MYO16: variants seen among roughly 807,000 people sequenced by gnomAD.
MYO16 encodes myosin XVI.
In MYO16, 94 loss-of-function variants were observed where a neutral mutation model predicts 205.3. That is an observed-to-expected ratio of 0.46 (90% CI 0.39 to 0.54). The LOEUF (loss-of-function observed/expected upper bound fraction) is 0.54. Among genes scored for constraint, MYO16 ranks in the 20% least tolerant of loss-of-function variants. MYO16 has a pLI of 0.00. For missense variants in MYO16, 2,315 were observed against 2,387.5 expected (o/e 0.97, Z 0.63); for synonymous variants, 988 against 954.0 (o/e 1.04, Z -0.66).
At chr13:108,677,354 T>C (rs948078235) in intron 2 of MYO16, among the ~76,000 whole-genome samples, 2 of 88,670 alleles carry the variant, frequency 2.3e-5, no homozygotes, top group African/African-American at 8.7e-5. Flanking sequence ...TATATATATA[T>C]GCATATATAT....
At chr13:108,952,010 C>T (rs113473757) in intron 16 of MYO16, among the ~76,000 whole-genome samples, 2 of 152,116 alleles carry the variant, frequency 1.3e-5, no homozygotes, top group African/African-American at 2.4e-5. Flanking sequence ...ACTCAGGAGA[C>T]TGAGACAGGA....
At position 108,964,743 on chromosome 13, in the gene MYO16, T is replaced by A. The variant is rs754984043; in HGVS notation, c.2228-18T>A. 2 of 1,612,982 alleles carry A rather than the reference T, an allele frequency of 1.2e-6. No homozygotes were observed. Among genetic ancestry groups the A allele is most frequent in the Non-Finnish European group, 1.7e-6 (2 of 1,179,454 alleles). ...GGAACCCTTGTGCTCACTCCTCCTT[T>A]TCTTTCTACCATTTTAGGGGATATG... On this transcript the variant is annotated intron_variant, in intron 19 of 34. Coordinates refer to ENST00000457511, the MANE Select transcript of MYO16 (RefSeq NM_001198950.3).
chr13:108,740,553 G>A (rs1056902829), intron 4 of MYO16, among the ~76,000 whole-genome samples: 12 of 152,156 alleles, frequency 7.9e-5, no homozygotes, highest in African/African-American at 1.2e-4. Flanking sequence ...CTACTGAGGG[G>A]TTCCTCCCAG....
chr13:109,010,738 T>C (rs1885563834), intron 22 of MYO16, among the ~76,000 whole-genome samples: 1 of 152,010 alleles, frequency 6.6e-6, no homozygotes, highest in African/African-American at 2.4e-5. Flanking sequence ...TTTACAGAAG[T>C]GTGGTGACCT....
At chr13:108,501,160 G>C in the MYO16 span, among the ~76,000 whole-genome samples, 19 of 152,066 alleles carry the variant, frequency 1.2e-4, no homozygotes, top group Non-Finnish European at 2.4e-4. Flanking sequence ...CGCGCTTATT[G>C]AAACGCCGGA....
At chr13:108,952,119 A>C (rs1480167518) in intron 16 of MYO16, among the ~76,000 whole-genome samples, 2 of 72,084 alleles carry the variant, frequency 2.8e-5, no homozygotes, top group South Asian at 5.6e-4. Context: ...CTCAATAAAT[A>C]AATAAATAAA....
chr13:109,127,284 C>T lies in MYO16; in HGVS notation c.3785C>T (p.Thr1262Ile), dbSNP rs1388868849. 6.3e-7 allele frequency: 1 copy of T among 1,576,922 alleles called. No individual in the cohort carries two copies. Among genetic ancestry groups the T allele is most frequent in the South Asian group, 1.2e-5 (1 of 86,790 alleles). The part of the protein sequence containing the change: ...RNMQEEGSKR[T>I]DDKSGPRHFH... ...TTTGTGTTTTGTTTCCCCCTAAGAA[C>T]CGATGACAAGAGTGGACCCAGGCAT... The change falls in exon 31 of 35, where the codon ACC (threonine) becomes ATC (isoleucine). Residue 1262 changes from threonine (T) to isoleucine (I), a missense_variant and splice_region_variant. This residue lies in a region of MYO16 where 1,097 missense variants were observed against 1,092.0 expected (regional missense o/e 1.00). Transcript: ENST00000457511. The surrounding 1 kb of genome is among the most constrained non-coding windows in gnomAD (Gnocchi z 4.2).
At chr13:108,747,751 A>G (rs1464562818) in intron 4 of MYO16, among the ~76,000 whole-genome samples, 1 of 152,166 alleles carries the variant, frequency 6.6e-6, no homozygotes, top group East Asian at 1.9e-4. Context: ...GTACTGATAC[A>G]TATATATGAT....
At chr13:108,571,007 A>G in the MYO16 span, among the ~76,000 whole-genome samples, 3 of 152,340 alleles carry the variant, frequency 2.0e-5, no homozygotes, top group East Asian at 3.9e-4. Context: ...CTCACAGGTT[A>G]TTATAATTTT....
the MYO16 span, among the ~76,000 whole-genome samples, chr13:108,577,198 A>G: frequency 5.3e-5 from 8 of 152,190 alleles, no homozygotes; most frequent in African/African-American, 1.9e-4. Flanking sequence ...AGAGCTATAC[A>G]AAAATGAATG....
intron 6 of MYO16, among the ~76,000 whole-genome samples, 191 bp downstream of exon 6, chr13:108,793,831 G>T (rs143703185): frequency 6.6e-6 from 1 of 152,124 alleles, no homozygotes; most frequent in Admixed American, 6.5e-5. Flanking sequence ...CCCATTATTG[G>T]GTGTCTACCC....
chr13:108,929,776 A>T (rs992279073), intron 16 of MYO16, among the ~76,000 whole-genome samples: 1 of 152,170 alleles, frequency 6.6e-6, no homozygotes, highest in African/African-American at 2.4e-5. Flanking sequence ...ATCCTGGCAC[A>T]GAGAAACCCA....
chr13:108,988,561 T>A (rs1317743961), intron 20 of MYO16, among the ~76,000 whole-genome samples: 1 of 152,140 alleles, frequency 6.6e-6, no homozygotes, highest in African/African-American at 2.4e-5. Context: ...AATAATTCAC[T>A]TTCCCCAATG....
intron 28 of MYO16, among the ~76,000 whole-genome samples, chr13:109,107,855 C>T (rs1057466185): frequency 1.2e-5 from 1 of 81,270 alleles, no homozygotes; most frequent in Non-Finnish European, 2.7e-5. Context: ...GTGTGTGTGT[C>T]TGTGTGTGTG....
At chr13:109,032,484 C>T (rs1050570465) in intron 23 of MYO16, among the ~76,000 whole-genome samples, 1 of 152,216 alleles carries the variant, frequency 6.6e-6, no homozygotes, top group Admixed American at 6.5e-5. Flanking sequence ...AGAAGGTTCC[C>T]ATGAAGCCTC....
chr13:108,841,498 G>T (rs1052441003), intron 9 of MYO16, among the ~76,000 whole-genome samples: 1 of 152,040 alleles, frequency 6.6e-6, no homozygotes, highest in Admixed American at 6.6e-5. Context: ...GGTAACATTG[G>T]GTTATGAAAG....
chr13:108,592,718 G>T (rs1437765747), upstream of MYO16, among the ~76,000 whole-genome samples: 1 of 129,502 alleles, frequency 7.7e-6, no homozygotes, highest in African/African-American at 2.8e-5. Context: ...TGTGGTGTGT[G>T]TGAGGGTGGC....
chr13:108,649,203 C>A (rs1926497), intron 1 of MYO16, among the ~76,000 whole-genome samples: 150,701 of 152,192 alleles, frequency 0.99, 74,624 homozygotes, highest in East Asian at 1. Flanking sequence ...GTGCACATGT[C>A]CCCTAAAACT....
chr13:109,067,749 A>G (rs1313320892), intron 27 of MYO16, among the ~76,000 whole-genome samples: 2 of 152,150 alleles, frequency 1.3e-5, no homozygotes, highest in Non-Finnish European at 1.5e-5. Flanking sequence ...AGCCAGTCCC[A>G]TACCTCTCAC....
Sources: allele counts gnomAD v4.1 joint callset (sites outside exome capture counted in the v4.1 genomes callset), GRCh38; gene constraint gnomAD v4.1.1; regional missense constraint gnomAD v4.1.1; non-coding constraint Gnocchi (gnomAD v3.1); transcripts MANE v1.5; gene names NCBI Gene and HGNC (gene_info 2026-07-23, HGNC 2026-07-21).